The following PTPRG variants were observed in gnomAD, a reference collection of about 807,000 sequenced individuals.
The protein encoded by PTPRG is receptor-type tyrosine-protein phosphatase gamma.
PTPRG carries 102 observed loss-of-function variants against 165.3 expected under a neutral mutation model. The ratio of observed to expected loss-of-function variants is 0.62; its 90% CI spans 0.53 to 0.73. PTPRG has a LOEUF of 0.73. PTPRG is among the 30% of genes least tolerant of loss of function. The probability of loss-of-function intolerance (pLI) is 0.00; values close to 1 mark genes in which losing one functional copy is unlikely to be tolerated. For synonymous variants in PTPRG, 675 were observed against 669.5 expected, an observed-to-expected ratio of 1.01 and a Z score of -0.13; for missense variants, 1,866 against 1,861.4, an observed-to-expected ratio of 1.00 and a Z score of -0.05.
chr3:61,799,656 A>AT (rs1240727742), intron 2 of PTPRG, among the ~76,000 whole-genome samples: 1 of 152,214 alleles, frequency 6.6e-6, no homozygotes, highest in Non-Finnish European at 1.5e-5. Flanking sequence ...ATCACAACCT[A>AT]TCAAAGGTAC....
intron 1 of PTPRG, among the ~76,000 whole-genome samples, chr3:61,747,129 A>C (rs2033239015): frequency 6.6e-6 from 1 of 152,202 alleles, no homozygotes; most frequent in South Asian, 2.1e-4. Context: ...TTTCAAAAAA[A>C]AAACAAAACC....
intron 4 of PTPRG, among the ~76,000 whole-genome samples, chr3:62,074,180 A>AGAGTGTGTGTGTGT (rs1553713353): frequency 7.0e-6 from 1 of 143,598 alleles, no homozygotes; most frequent in African/African-American, 2.6e-5. Flanking sequence ...AAAAAGTGAG[A>AGAGTGTGTGTGTGT]GTGTGTGTGT....
intron 2 of PTPRG, among the ~76,000 whole-genome samples, chr3:61,757,749 A>AT (rs1045498191): frequency 1.3e-5 from 2 of 152,172 alleles, no homozygotes; most frequent in South Asian, 2.1e-4. Context: ...GTATATAAAT[A>AT]TTTTTTTCAT....
Position 62,157,168 on chromosome 3 carries a change from A to T in PTPRG, c.784A>T (p.Ser262Cys). The change falls in exon 7 of 30, where the codon AGC becomes TGC. Residue 262 changes from serine (S) to cysteine (C), a missense_variant. This residue lies in a region of PTPRG where 408 missense variants were observed against 376.2 expected (regional missense o/e 1.08). Transcript: ENST00000474889. ...YTGSLTTPPCSEIVEWIVFRR... is the reference protein window; with the variant it reads ...YTGSLTTPPCCEIVEWIVFRR... ...AGGTTCCTTGACCACACCACCGTGT[A>T]GCGAAATAGTGGAGTGGATAGTCTT... 6.2e-7 allele frequency: 1 copy of T among 1,614,012 alleles called. No individual in the cohort carries two copies. Among genetic ancestry groups the T allele is most frequent in the Non-Finnish European group, 8.5e-7 (1 of 1,179,902 alleles).
chr3:61,594,344 A>G (rs1251509557), intron 1 of PTPRG, among the ~76,000 whole-genome samples: 1 of 152,018 alleles, frequency 6.6e-6, no homozygotes, highest in Non-Finnish European at 1.5e-5. Flanking sequence ...TTACATGGGC[A>G]TTTCTTCCAT....
At chr3:61,886,858 C>G (rs763758860) in intron 2 of PTPRG, among the ~76,000 whole-genome samples, 25 of 150,128 alleles carry the variant, frequency 1.7e-4, no homozygotes, top group Non-Finnish European at 3.2e-4. Flanking sequence ...TTCATAGACT[C>G]TCTGTATCCT....
chr3:61,792,761 G>T (rs879291366), intron 2 of PTPRG, among the ~76,000 whole-genome samples: 1 of 146,706 alleles, frequency 6.8e-6, no homozygotes. Flanking sequence ...ATGGAGTCTC[G>T]CTCGATTGCC....
intron 6 of PTPRG, among the ~76,000 whole-genome samples, chr3:62,142,718 G>A (rs1703976117): frequency 1.3e-5 from 2 of 152,050 alleles, no homozygotes. Context: ...CCTTGGAATT[G>A]TATCATTAAG....
chr3:61,806,142 C>T (rs781182585), intron 2 of PTPRG, among the ~76,000 whole-genome samples: 1 of 152,104 alleles, frequency 6.6e-6, no homozygotes, highest in African/African-American at 2.4e-5. Context: ...TAGGTCTCTT[C>T]CAAAACTTGC....
intron 4 of PTPRG, among the ~76,000 whole-genome samples, chr3:62,022,256 C>A (rs1004193450): frequency 1.1e-4 from 16 of 152,074 alleles, no homozygotes; most frequent in Non-Finnish European, 2.2e-4. Context: ...AAGAATGAAC[C>A]CACTATTATT....
intron 2 of PTPRG, among the ~76,000 whole-genome samples, chr3:61,948,009 C>T (rs1283163576): frequency 6.6e-6 from 1 of 152,012 alleles, no homozygotes; most frequent in Non-Finnish European, 1.5e-5. Context: ...ACGGAAAACA[C>T]GTATCCCATA....
At chr3:61,693,542 G>A (rs2030359683) in intron 1 of PTPRG, among the ~76,000 whole-genome samples, 1 of 152,130 alleles carries the variant, frequency 6.6e-6, no homozygotes, top group Admixed American at 6.5e-5. Context: ...ACCCAGGGAG[G>A]GTTAAGTTCT....
chr3:61,579,393 A>C (rs1460494301), intron 1 of PTPRG, among the ~76,000 whole-genome samples: 1 of 152,188 alleles, frequency 6.6e-6, no homozygotes, highest in African/African-American at 2.4e-5. Flanking sequence ...GCATCCTGAA[A>C]TTCTGCTGCT....
chr3:61,657,980 T>G (rs1181153972), intron 1 of PTPRG, among the ~76,000 whole-genome samples: 4 of 151,926 alleles, frequency 2.6e-5, no homozygotes, highest in African/African-American at 9.7e-5. Context: ...ATGTGGACAG[T>G]GGTTATGGTG....
At chr3:61,700,107 G>C (rs1223513047) in intron 1 of PTPRG, among the ~76,000 whole-genome samples, 2 of 152,128 alleles carry the variant, frequency 1.3e-5, no homozygotes, top group Non-Finnish European at 2.9e-5. Flanking sequence ...CTGAAAATCT[G>C]AGGAGGTTTC....
At chr3:61,894,911 G>A (rs925527057) in intron 2 of PTPRG, among the ~76,000 whole-genome samples, 14 of 152,060 alleles carry the variant, frequency 9.2e-5, no homozygotes, top group African/African-American at 3.4e-4. Flanking sequence ...TCTGTCAGGA[G>A]TTTGAATCTC....
intron 2 of PTPRG, among the ~76,000 whole-genome samples, chr3:61,848,955 T>C (rs940268404): frequency 6.6e-6 from 1 of 152,218 alleles, no homozygotes; most frequent in South Asian, 2.1e-4. Flanking sequence ...GAGAACAGTT[T>C]GATATCACAG....
rs1193186777 is a variant in PTPRG at position 62,293,802 on chromosome 3, G to GTTTTC, written c.*500_*504dup. 1.3e-5 allele frequency: 2 copies of GTTTTC among 152,420 alleles called. No homozygotes were observed. Among genetic ancestry groups the GTTTTC allele is most frequent in the South Asian group, 2.1e-4 (1 of 4,826 alleles). The allele number at this position is 152,420 out of a possible 1,614,324, so 9.4% of individuals were successfully genotyped here. ...GTATTTTAATGGAGTGGATAGCATTGTTTTCTTTTACAGACTAGCAGGCTA... is the reference window on the plus strand; with the variant it reads ...GTATTTTAATGGAGTGGATAGCATTGTTTTCTTTTCTTTTACAGACTAGCAGGCTA... On this transcript the variant is annotated 3_prime_UTR_variant, in exon 30 of 30. Coordinates refer to ENST00000474889, the MANE Select transcript of PTPRG (RefSeq NM_002841.4).
intron 2 of PTPRG, among the ~76,000 whole-genome samples, chr3:61,973,956 G>A (rs1267510883): frequency 1.3e-5 from 2 of 152,054 alleles, no homozygotes; most frequent in Admixed American, 6.5e-5. Context: ...TCTTGATAAT[G>A]TACATAGACT....
Sources: gnomAD v4.1 joint callset for allele counts (sites outside exome capture counted in the v4.1 genomes callset) on GRCh38, gnomAD v4.1.1 for gene constraint, gnomAD v4.1.1 regional missense constraint, MANE v1.5 for transcripts, NCBI Gene and HGNC (gene_info 2026-07-23, HGNC 2026-07-21) for gene names.